SLC4A10: variants seen among roughly 807,000 people sequenced by gnomAD.
The protein encoded by SLC4A10 is sodium-driven chloride bicarbonate exchanger.
In SLC4A10, 42 loss-of-function variants were observed where a neutral mutation model predicts 137.7. That is an observed-to-expected ratio of 0.30 (90% confidence interval 0.24 to 0.39). The LOEUF (loss-of-function observed/expected upper bound fraction) is 0.39, where lower values mean the gene tolerates loss of function less well. SLC4A10 is among the 10% of genes least tolerant of loss of function. The probability of loss-of-function intolerance (pLI) is 1.00; values close to 1 mark genes in which losing one functional copy is unlikely to be tolerated. For synonymous variants in SLC4A10, 474 were observed against 464.1 expected (o/e 1.02, Z -0.27); for missense variants, 925 against 1,355.0 (o/e 0.68, Z 4.98).
At chr2:161,686,361 G>T (rs978629547) in intron 1 of SLC4A10, among the ~76,000 whole-genome samples, 1 of 152,054 alleles carries the variant, frequency 6.6e-6, no homozygotes, top group Non-Finnish European at 1.5e-5. Context: ...ACAAAATTAA[G>T]ATATATTTTT....
At chr2:161,828,767 C>CATATACAT (rs2058201317) in intron 3 of SLC4A10, among the ~76,000 whole-genome samples, 1 of 42,076 alleles carries the variant, frequency 2.4e-5, no homozygotes, top group Non-Finnish European at 5.2e-5. Flanking sequence ...AATTCTAATT[C>CATATACAT]ATATATATAT....
intron 1 of SLC4A10, among the ~76,000 whole-genome samples, chr2:161,648,396 A>G (rs2036351146): frequency 6.6e-6 from 1 of 152,218 alleles, no homozygotes; most frequent in Non-Finnish European, 1.5e-5. Context: ...GCTGACTTCA[A>G]TTTCCTATCT....
chr2:161,704,208 T>C lies in SLC4A10; in HGVS notation c.49-66765T>C, dbSNP rs958896931. Among the ~76,000 whole-genome samples the C allele has an allele frequency of 8.6e-5, 13 of 151,704 alleles. 1 individual carries two copies. The highest frequency in any genetic ancestry group is 7.9e-4 in the Admixed American group (12 of 15,182). On this transcript the variant is annotated intron_variant, in intron 1 of 26. Transcript: ENST00000446997. ...GTCATACAATTTTTTTCCAGTTTTT[T>C]CATATAGCACTAAAACTGTTGTGAG...
At chr2:161,883,907 G>C (rs1427062611) in intron 10 of SLC4A10, among the ~76,000 whole-genome samples, 1 of 152,082 alleles carries the variant, frequency 6.6e-6, no homozygotes, top group East Asian at 1.9e-4. Context: ...ATTTCATCTT[G>C]AGATACTTAC....
intron 1 of SLC4A10, among the ~76,000 whole-genome samples, chr2:161,643,490 C>G (rs2035592394): frequency 6.6e-6 from 1 of 152,146 alleles, no homozygotes; most frequent in South Asian, 2.1e-4. Context: ...TATAATATGG[C>G]ATATATACTT....
intron 10 of SLC4A10, among the ~76,000 whole-genome samples, chr2:161,893,773 T>C (rs2063161554): frequency 6.6e-6 from 1 of 151,776 alleles, no homozygotes; most frequent in African/African-American, 2.4e-5. Context: ...ATAATATGCA[T>C]AAAAATTATA....
intron 1 of SLC4A10, among the ~76,000 whole-genome samples, chr2:161,708,244 T>C (rs1436707035): frequency 6.6e-6 from 1 of 151,432 alleles, no homozygotes; most frequent in Non-Finnish European, 1.5e-5. Flanking sequence ...GGAGGGAAAA[T>C]TCCTTTAAGA....
rs1487813305 is a variant in SLC4A10, at chr2:161,640,589, TTTCTTTCC to T, written c.48+16027_48+16034del. The stretch of plus-strand genomic sequence containing the variant: ...ATTTCTCTATGAAGTAAGCTTTCTC[TTTCTTTCC>T]TTCCTTCCTTCCTTCCTTCCTTCCT... On this transcript the variant is annotated intron_variant, in intron 1 of 26. Coordinates refer to ENST00000446997, the MANE Select transcript of SLC4A10 (RefSeq NM_001178015.2). Among the ~76,000 whole-genome samples, 10 of 148,656 alleles carry T rather than the reference TTTCTTTCC, an allele frequency of 6.7e-5. 1 individual carries two copies. Among genetic ancestry groups the T allele is most frequent in the Admixed American group, 4.7e-4 (7 of 14,804 alleles).
Position 161,747,585 on chromosome 2 carries a change from C to T in SLC4A10, c.49-23388C>T, listed in dbSNP as rs557796153. 9.9e-5 allele frequency among the ~76,000 whole-genome samples: 15 copies of T among 152,192 alleles called. No individual in the cohort carries two copies. The South Asian group carries it at 3.1e-3, about 32-fold the overall frequency. ...GTGGGCAGTTGTTCAACTTGGTGTT[C>T]CTGCGAGTGGGATGATCATTGGAAG... On this transcript the variant is annotated intron_variant, in intron 1 of 26. Transcript: ENST00000446997.
At chr2:161,857,019 T>C (rs2060144098) in intron 5 of SLC4A10, among the ~76,000 whole-genome samples, 1 of 152,174 alleles carries the variant, frequency 6.6e-6, no homozygotes, top group Non-Finnish European at 1.5e-5. Context: ...TTACCAGTCT[T>C]CACATTTCTT....
intron 2 of SLC4A10, among the ~76,000 whole-genome samples, chr2:161,782,924 A>C (rs948552930): frequency 1.3e-5 from 2 of 151,660 alleles, no homozygotes; most frequent in African/African-American, 2.4e-5. Context: ...AAAGAACCAG[A>C]AGATTTATTC....
chr2:161,894,440 C>A (rs1343319587), intron 10 of SLC4A10, among the ~76,000 whole-genome samples: 2 of 151,746 alleles, frequency 1.3e-5, no homozygotes, highest in African/African-American at 2.4e-5. Flanking sequence ...TTTTCTTTCC[C>A]TTACTCCTTC....
At chr2:161,754,959 C>A (rs1313042226) in intron 1 of SLC4A10, among the ~76,000 whole-genome samples, 1 of 152,118 alleles carries the variant, frequency 6.6e-6, no homozygotes, top group South Asian at 2.1e-4. Flanking sequence ...CAAGTTGGCA[C>A]TTATCAGATG....
chr2:161,983,251 T>A lies in SLC4A10; in HGVS notation c.*99T>A. The A allele has an allele frequency of 6.5e-7, 1 of 1,535,434 alleles. No homozygotes were observed. The highest frequency in any genetic ancestry group is 1.2e-5 in the South Asian group (1 of 83,856). On this transcript the variant is annotated 3_prime_UTR_variant, in exon 27 of 27. Coordinates refer to ENST00000446997, the MANE Select transcript of SLC4A10 (RefSeq NM_001178015.2). Reference sequence around the variant, plus strand: ...ACAGGGAGACTTGTCTATGACTCGATCTTCAATTTATTTTTTACATATATA... The same window carrying A: ...ACAGGGAGACTTGTCTATGACTCGAACTTCAATTTATTTTTTACATATATA...
chr2:161,855,473 G>A (rs997531728), intron 5 of SLC4A10, among the ~76,000 whole-genome samples: 7 of 152,016 alleles, frequency 4.6e-5, no homozygotes, highest in African/African-American at 1.4e-4. Flanking sequence ...TCAAACATAT[G>A]AAATAACCAA....
chr2:161,918,921 C>T (rs1392550831), intron 15 of SLC4A10, among the ~76,000 whole-genome samples: 1 of 152,216 alleles, frequency 6.6e-6, no homozygotes, highest in Non-Finnish European at 1.5e-5. Flanking sequence ...CTCCCTGGTG[C>T]AACTGCAGCT....
At chr2:161,712,502 A>G (rs1019211814) in intron 1 of SLC4A10, among the ~76,000 whole-genome samples, 5 of 151,900 alleles carry the variant, frequency 3.3e-5, no homozygotes, top group African/African-American at 4.8e-5. Flanking sequence ...AATTTTACCG[A>G]AAGTCAAACA....
At chr2:161,823,476 T>A (rs937467941) in intron 3 of SLC4A10, among the ~76,000 whole-genome samples, 1 of 152,216 alleles carries the variant, frequency 6.6e-6, no homozygotes, top group Non-Finnish European at 1.5e-5. Context: ...GGTTCTCACA[T>A]ATTTTTCATC....
chr2:161,814,399 C>T (rs2056855126), intron 3 of SLC4A10, among the ~76,000 whole-genome samples: 1 of 152,142 alleles, frequency 6.6e-6, no homozygotes, highest in Non-Finnish European at 1.5e-5. Context: ...AACAGAACAA[C>T]TATTGACCCA....
Sources: allele counts gnomAD v4.1 joint callset (sites outside exome capture counted in the v4.1 genomes callset), GRCh38; gene constraint gnomAD v4.1.1; transcripts MANE v1.5; gene names NCBI Gene and HGNC (gene_info 2026-07-23, HGNC 2026-07-21).